Variants in DENND1B observed in about 807,000 individuals in gnomAD.
The protein encoded by DENND1B is DENN domain containing 1B.
DENND1B carries 59 observed loss-of-function variants against 90.1 expected under a neutral mutation model. That is an observed-to-expected ratio of 0.65 (90% confidence interval 0.53 to 0.81). The LOEUF (loss-of-function observed/expected upper bound fraction) is 0.81, where lower values mean the gene tolerates loss of function less well. Ranked by LOEUF, DENND1B falls within the 40% of genes least tolerant of loss-of-function variation. DENND1B has a pLI of 0.00. For missense variants in DENND1B, 862 were observed against 912.6 expected (o/e 0.94, Z 0.71); for synonymous variants, 337 against 324.6 (o/e 1.04, Z -0.41).
At chr1:197,628,151 T>C (rs922461565) in intron 10 of DENND1B, among the ~76,000 whole-genome samples, 2 of 152,138 alleles carry the variant, frequency 1.3e-5, no homozygotes, top group African/African-American at 4.8e-5. Flanking sequence ...CCAATGACTT[T>C]CTTCACAGAA....
At chr1:197,646,441 C>T (rs935482745) in intron 8 of DENND1B, among the ~76,000 whole-genome samples, 2 of 151,716 alleles carry the variant, frequency 1.3e-5, no homozygotes, top group Admixed American at 6.6e-5. Context: ...TGTATATATG[C>T]CTTCATGTTT....
intron 15 of DENND1B, among the ~76,000 whole-genome samples, chr1:197,580,182 C>A (rs1674091588): frequency 7.1e-6 from 1 of 141,408 alleles, no homozygotes; most frequent in Non-Finnish European, 1.5e-5. Context: ...AGCTCCTCCT[C>A]CCAGGTACAT....
intron 13 of DENND1B, among the ~76,000 whole-genome samples, chr1:197,600,282 T>C (rs1200557104): frequency 6.6e-6 from 1 of 151,870 alleles, no homozygotes. Flanking sequence ...CTTTCTTTGC[T>C]AATGGAAATC....
intron 2 of DENND1B, among the ~76,000 whole-genome samples, chr1:197,772,304 TA>T (rs1656727307): frequency 6.6e-6 from 1 of 152,200 alleles, no homozygotes; most frequent in Non-Finnish European, 1.5e-5. Flanking sequence ...AGCTGAGTTG[TA>T]AGTTATATGG....
At chr1:197,744,018 C>A (rs977605395) in intron 2 of DENND1B, among the ~76,000 whole-genome samples, 5 of 152,184 alleles carry the variant, frequency 3.3e-5, no homozygotes, top group Non-Finnish European at 1.5e-5. Context: ...AAGATAGCAG[C>A]AATTCAGTCA....
At chr1:197,611,671 A>C (rs1677191147) in intron 12 of DENND1B, among the ~76,000 whole-genome samples, 1 of 150,840 alleles carries the variant, frequency 6.6e-6, no homozygotes, top group African/African-American at 2.4e-5. Flanking sequence ...CTGAAGTTTT[A>C]GTATTTAAAA....
chr1:197,628,709 CA>C (rs1211085670), intron 10 of DENND1B, among the ~76,000 whole-genome samples: 2 of 150,038 alleles, frequency 1.3e-5, no homozygotes, highest in East Asian at 2.0e-4. Context: ...TTCTGCACAG[CA>C]AAAAAAACTA....
chr1:197,511,988 T>C (rs1238061937), intron 21 of DENND1B, 44 bp from the exon 22 acceptor site: 1 of 1,452,306 alleles, frequency 6.9e-7, no homozygotes, highest in South Asian at 1.3e-5. Context: ...ATAACCATAT[T>C]TGCTGCATGT....
chr1:197,728,090 T>C (rs996964660), intron 2 of DENND1B, among the ~76,000 whole-genome samples: 1 of 152,212 alleles, frequency 6.6e-6, no homozygotes, highest in African/African-American at 2.4e-5. Context: ...TACATAGCAG[T>C]TCTCAACCCT....
Position 197,512,969 on chromosome 1 carries a change from G to T in DENND1B, c.1516-16C>A. On this transcript the variant is annotated splice_polypyrimidine_tract_variant and intron_variant, in intron 20 of 22. Transcript: ENST00000620048. ...TTAAGCGTGCCTGGAGAGAGAGATT[G>T]ACAATAAATTGGCATTAGCAGTTTA... is the stretch of plus-strand genomic sequence containing the variant. 6.3e-7 allele frequency: 1 copy of T among 1,598,172 alleles called. No individual in the cohort carries two copies. Among genetic ancestry groups the T allele is most frequent in the South Asian group, 1.1e-5 (1 of 88,734 alleles).
intron 2 of DENND1B, among the ~76,000 whole-genome samples, chr1:197,748,258 T>C (rs1385772530): frequency 6.0e-5 from 5 of 83,926 alleles, no homozygotes; most frequent in African/African-American, 1.4e-4. Flanking sequence ...ATCAACAAAA[T>C]ATCAGGGAAG....
chr1:197,655,179 G>A (rs760800799), intron 6 of DENND1B, among the ~76,000 whole-genome samples: 3 of 152,154 alleles, frequency 2.0e-5, no homozygotes, highest in African/African-American at 4.8e-5. Context: ...TATCATTGAC[G>A]TTAAAGCATG....
intron 14 of DENND1B, among the ~76,000 whole-genome samples, chr1:197,593,422 G>C (rs1310260039): frequency 2.0e-5 from 3 of 149,366 alleles, no homozygotes; most frequent in African/African-American, 7.3e-5. Context: ...AAAAATGTAG[G>C]CAACTAAACA....
chr1:197,647,964 A>T (rs1479130253), intron 7 of DENND1B, among the ~76,000 whole-genome samples: 3 of 150,932 alleles, frequency 2.0e-5, no homozygotes, highest in Admixed American at 1.3e-4. Context: ...AAAAAAAAAA[A>T]GATATTATAA....
intron 10 of DENND1B, among the ~76,000 whole-genome samples, chr1:197,642,369 C>T (rs1680338199): frequency 1.3e-5 from 2 of 151,910 alleles, no homozygotes; most frequent in African/African-American, 2.4e-5. Context: ...TCAAGTGGCT[C>T]CAATGGAAAA....
chr1:197,604,517 C>T (rs541678553), intron 13 of DENND1B, among the ~76,000 whole-genome samples: 2 of 151,038 alleles, frequency 1.3e-5, no homozygotes, highest in South Asian at 2.1e-4. Context: ...ACAACTGTGA[C>T]CACTGACCTT....
Position 197,611,927 on chromosome 1 carries a change from T to C in DENND1B, c.819+4A>G. 1 of 1,602,846 alleles carries C rather than the reference T, an allele frequency of 6.2e-7. No homozygotes were observed. Among genetic ancestry groups the C allele is most frequent in the Non-Finnish European group, 8.5e-7 (1 of 1,172,544 alleles). Reference sequence around the variant, plus strand: ...TCACTGTCTCATGTCTGAAAGATACTCACCTCTATGAGGCTGGAGTGTATT... The same window carrying C: ...TCACTGTCTCATGTCTGAAAGATACCCACCTCTATGAGGCTGGAGTGTATT... On this transcript the variant is annotated splice_donor_region_variant and intron_variant, in intron 12 of 22. Coordinates refer to ENST00000620048, the MANE Select transcript of DENND1B (RefSeq NM_001195215.2).
intron 2 of DENND1B, among the ~76,000 whole-genome samples, chr1:197,771,738 C>G (rs1656643800): frequency 6.6e-6 from 1 of 152,158 alleles, no homozygotes; most frequent in African/African-American, 2.4e-5. Flanking sequence ...TTTAGGATGG[C>G]CAATCAGTCT....
chr1:197,685,611 C>A (rs944931697), intron 3 of DENND1B: 2 of 152,038 alleles, frequency 1.3e-5, no homozygotes, highest in Admixed American at 6.6e-5. Flanking sequence ...AATGCACATG[C>A]CCATTAATGT....
Sources: gnomAD v4.1 joint callset for allele counts (sites outside exome capture counted in the v4.1 genomes callset) on GRCh38, gnomAD v4.1.1 for gene constraint, MANE v1.5 for transcripts, NCBI Gene and HGNC (gene_info 2026-07-23, HGNC 2026-07-21) for gene names.